The following MYOF variants were observed in gnomAD, a reference collection of about 807,000 sequenced individuals.
MYOF encodes the protein fer-1-like 3, myoferlin.
Under a neutral mutation model 284.2 loss-of-function variants are expected in MYOF, and 244 were observed. The observed-to-expected ratio is 0.86, with a 90% CI of 0.77 to 0.95. The LOEUF is 0.95. MYOF is among the 40% of genes least tolerant of loss of function. The pLI, the probability that MYOF is intolerant of heterozygous loss-of-function variation, is 0.00. For synonymous variants in MYOF, 904 were observed against 919.7 expected, an observed-to-expected ratio of 0.98 and a Z score of 0.31; for missense variants, 2,496 against 2,560.6, an observed-to-expected ratio of 0.97 and a Z score of 0.54.
intron 49 of MYOF, among the ~76,000 whole-genome samples, chr10:93,318,847 G>A (rs1281714398): frequency 6.6e-6 from 1 of 152,166 alleles, no homozygotes; most frequent in Non-Finnish European, 1.5e-5. Flanking sequence ...GCTGGTGGCT[G>A]GTACATTCTG....
intron 50 of MYOF, among the ~76,000 whole-genome samples, chr10:93,316,165 A>C (rs1193910707): frequency 6.6e-6 from 1 of 152,010 alleles, no homozygotes; most frequent in Non-Finnish European, 1.5e-5. Context: ...GCAGAAACAG[A>C]GCTGGCTAAT....
chr10:93,406,288 TTATATATA>T lies in MYOF; in HGVS notation c.730-2077_730-2070del, dbSNP rs3980375. On this transcript the variant is annotated intron_variant, in intron 7 of 53. Coordinates refer to ENST00000359263, the MANE Select transcript of MYOF (RefSeq NM_013451.4). ...TAGAAATTTTTTTAGTAAACCTCTT[TTATATATA>T]TATATATATATATATATATATTTGT... Among the ~76,000 whole-genome samples the T allele has an allele frequency of 2.6e-3, 149 of 58,142 alleles. 14 individuals are homozygous for T. The highest frequency in any genetic ancestry group is 8.6e-3 in the East Asian group (4 of 466). The allele number at this position is 58,142 out of a possible 152,430, so 38.1% of individuals were successfully genotyped here.
intron 3 of MYOF, among the ~76,000 whole-genome samples, chr10:93,447,421 G>T (rs79182180): frequency 6.6e-6 from 1 of 152,120 alleles, no homozygotes; most frequent in Non-Finnish European, 1.5e-5. Context: ...GTGCTCGGTG[G>T]ATGGCACCTA....
chr10:93,325,859 A>T lies in MYOF; in HGVS notation c.5238T>A (p.Thr1746=), dbSNP rs1417182969. The change falls in exon 46 of 54, where the codon ACT becomes ACA. Residue 1746 remains threonine, a synonymous_variant. Coordinates refer to ENST00000359263, the MANE Select transcript of MYOF (RefSeq NM_013451.4). The part of the protein sequence containing the change: ...GLVPEHVETR[T]LHSTFQPNIS... ...TGTTGGGCTGGAAGGTGCTGTGCAA[A>T]GTCCTTGTTTCCACGTGCTCAGGGA... 1.2e-6 allele frequency: 2 copies of T among 1,613,922 alleles called. No homozygotes were observed. Among genetic ancestry groups the T allele is most frequent in the Non-Finnish European group, 1.7e-6 (2 of 1,180,016 alleles).
chr10:93,409,457 CTT>C, intron 6 of MYOF, 114 bp downstream of exon 6: 1 of 1,259,114 alleles, frequency 7.9e-7, no homozygotes. Flanking sequence ...TGACATCTCT[CTT>C]TACCGGTTGA....
chr10:93,316,137 A>T (rs1459341294), intron 50 of MYOF, among the ~76,000 whole-genome samples: 1 of 152,000 alleles, frequency 6.6e-6, no homozygotes, highest in African/African-American at 2.4e-5. Context: ...ATAAAAAAAT[A>T]AAAAAATAGA....
chr10:93,458,868 GTAGTGGGTTTTGTTTAGC>G lies in MYOF; in HGVS notation c.89-1949_89-1932del, dbSNP rs1013140302. 4.6e-5 allele frequency among the ~76,000 whole-genome samples: 7 copies of G among 152,208 alleles called. No individual in the cohort carries two copies. In the East Asian group the frequency reaches 7.7e-4, roughly 17 times the overall value. ...CCTCTGCTGCTGTGGAATGTAGGAG[GTAGTGGGTTTTGTTTAGC>G]TAATGTCACATTGCTTTGGCTCCCA... On this transcript the variant is annotated intron_variant, in intron 1 of 53. Transcript: ENST00000359263.
Position 93,409,688 on chromosome 10 carries a change from CT to C in MYOF, c.484del (p.Arg162GlyfsTer24). The C allele has an allele frequency of 6.2e-7, 1 of 1,614,240 alleles. No homozygotes were observed. Among genetic ancestry groups the C allele is most frequent in the Non-Finnish European group, 8.5e-7 (1 of 1,180,040 alleles). The stretch of plus-strand genomic sequence containing the variant: ...AACTGGCCCCTTGGGCCCAGGGCCC[CT>C]GACTGCATTGTCCAACCTGTCTTCA... Reference protein sequence around the residue: ...GDEDRLDNAVRGPGPKGPVGT... With the variant: ...GDEDRLDNAVXGPGPKGPVGT... On this transcript the variant is annotated frameshift_variant, in exon 6 of 54. Coordinates refer to ENST00000359263, the MANE Select transcript of MYOF (RefSeq NM_013451.4). LOFTEE classifies it high-confidence loss of function.
intron 3 of MYOF, among the ~76,000 whole-genome samples, chr10:93,438,666 T>C (rs954039270): frequency 6.6e-6 from 1 of 151,434 alleles, no homozygotes; most frequent in East Asian, 1.9e-4. Context: ...GGGAGTAAAG[T>C]GGAGGAGGTA....
At position 93,452,037 on chromosome 10, in the gene MYOF, G is replaced by A. The variant is rs761436554; in HGVS notation, c.236+13C>T. 14 of 1,576,474 alleles carry A rather than the reference G, an allele frequency of 8.9e-6. No homozygotes were observed. The highest frequency in any genetic ancestry group is 7.4e-5 in the Admixed American group (4 of 53,838). ...AATACCTAAAATGAGAAAAACAGGT[G>A]AAAACAACTTACTTATTTTGTCCAA... is the stretch of plus-strand genomic sequence containing the variant. On this transcript the variant is annotated intron_variant, in intron 3 of 53. Coordinates refer to ENST00000359263, the MANE Select transcript of MYOF (RefSeq NM_013451.4).
intron 50 of MYOF, among the ~76,000 whole-genome samples, chr10:93,314,959 G>A (rs914206658): frequency 2.0e-5 from 3 of 152,158 alleles, no homozygotes; most frequent in African/African-American, 4.8e-5. Context: ...CTGAGGTTGG[G>A]AGGATCGCCT....
intron 50 of MYOF, 113 bp downstream of exon 50, chr10:93,316,601 G>C: frequency 2.2e-6 from 2 of 926,852 alleles, no homozygotes; most frequent in Non-Finnish European, 3.4e-6. Context: ...CCCCCACCAG[G>C]CCCCCATTAC....
chr10:93,318,288 A>C (rs1842704200), intron 49 of MYOF, among the ~76,000 whole-genome samples: 1 of 152,018 alleles, frequency 6.6e-6, no homozygotes, highest in African/African-American at 2.4e-5. Flanking sequence ...AGGCATGGTG[A>C]TGCATGCCTA....
chr10:93,359,946 G>A lies in MYOF; in HGVS notation c.3007C>T (p.His1003Tyr), dbSNP rs1844991006. 1 of 1,614,082 alleles carries A rather than the reference G, an allele frequency of 6.2e-7. No homozygotes were observed. Among genetic ancestry groups the A allele is most frequent in the African/African-American group, 1.3e-5 (1 of 74,926 alleles). ...WEYGITIPPD[H>Y]KPKSWVAAEK... is the part of the protein sequence containing the mutation. ...GCTGCAACCCAGGATTTGGGCTTAT[G>A]ATCAGGAGGAATGGTGATTCCATAT... The change falls in exon 29 of 54, where the codon CAT becomes TAT. Residue 1003 changes from histidine (H) to tyrosine (Y), a missense_variant. By Grantham distance (83) the His-to-Tyr change is moderately conservative. Around this residue, in one of 3 missense-constraint regions of MYOF, gnomAD observed 2,436 missense variants for 2,480.7 expected, o/e 0.98. Coordinates refer to ENST00000359263, the MANE Select transcript of MYOF (RefSeq NM_013451.4).
At chr10:93,323,730 T>TC (rs920060949) in intron 46 of MYOF, 98 of 199,424 alleles carry the variant, frequency 4.9e-4, no homozygotes, top group African/African-American at 1.7e-3. Context: ...TGCGCGCACA[T>TC]CCCCCCTCTT....
In MYOF at chr10:93,389,057, G is replaced by A. The variant is rs372757311; in HGVS notation, c.1554C>T (p.Asp518=). Residue 518 remains aspartate (D), a synonymous_variant, in exon 18 of 54, where the codon GAC becomes GAT. Transcript: ENST00000359263. ...TTCCAGTATTCAGCTCATCATAGGG[G>A]TCTGGGAATCCCGTGTACTCTCTGG... The part of the protein sequence containing the change: ...GSPREYTGFP[D]PYDELNTGKG... The A allele has an allele frequency of 5.0e-6, 8 of 1,614,062 alleles. No homozygotes were observed. The African/African-American group carries it at 9.3e-5, about 19-fold the overall frequency.
intron 1 of MYOF, among the ~76,000 whole-genome samples, chr10:93,470,690 C>T (rs1024309871): frequency 6.6e-6 from 1 of 152,084 alleles, no homozygotes; most frequent in African/African-American, 2.4e-5. Context: ...GTGTGAGCCA[C>T]CACACCCAGC....
chr10:93,330,231 C>T (rs1843239186), intron 43 of MYOF, among the ~76,000 whole-genome samples: 1 of 151,976 alleles, frequency 6.6e-6, no homozygotes, highest in Non-Finnish European at 1.5e-5. Flanking sequence ...GACATGAGTG[C>T]ATCGCTCCAA....
chr10:93,340,132 C>A (rs1843829389), intron 39 of MYOF, 21 bp downstream of exon 39: 1 of 1,613,018 alleles, frequency 6.2e-7, no homozygotes, highest in Non-Finnish European at 8.5e-7. Flanking sequence ...TTAAATGTAG[C>A]AAAATGTATA....
Sources: allele counts gnomAD v4.1 joint callset (sites outside exome capture counted in the v4.1 genomes callset), GRCh38; gene constraint gnomAD v4.1.1; regional missense constraint gnomAD v4.1.1; transcripts MANE v1.5; gene names NCBI Gene and HGNC (gene_info 2026-07-23, HGNC 2026-07-21).